The following SDK1 variants were observed in gnomAD, a reference collection of about 807,000 sequenced individuals.
SDK1 encodes the protein sidekick cell adhesion molecule 1.
Under a neutral mutation model 245.5 loss-of-function variants are expected in SDK1, and 157 were observed. The ratio of observed to expected loss-of-function variants is 0.64; its 90% CI spans 0.56 to 0.73. The LOEUF (loss-of-function observed/expected upper bound fraction) is 0.73. Ranked by LOEUF, SDK1 falls within the 30% of genes least tolerant of loss-of-function variation. The probability of loss-of-function intolerance (pLI) is 0.00; values close to 1 mark genes in which losing one functional copy is unlikely to be tolerated. For missense variants in SDK1, 3,583 were observed against 3,002.3 expected (o/e 1.19, Z -4.52); for synonymous variants, 1,647 against 1,278.5 (o/e 1.29, Z -6.15).
chr7:3,938,385 G>A (rs1562550782), intron 5 of SDK1, among the ~76,000 whole-genome samples: 3 of 152,016 alleles, frequency 2.0e-5, no homozygotes, highest in South Asian at 4.2e-4. Context: ...GCTCATGCCT[G>A]TAATCCCAGC....
intron 28 of SDK1, 89 bp from the exon 29 acceptor site, chr7:4,145,621 ACAGATGGCCTTC>A: frequency 9.9e-7 from 1 of 1,008,030 alleles, no homozygotes; most frequent in East Asian, 2.6e-5. Flanking sequence ...CGGGGAAGAG[ACAGATGGCCTTC>A]CAGGGGTCAG....
At chr7:3,718,461 G>A (rs1166021968) in intron 4 of SDK1, among the ~76,000 whole-genome samples, 1 of 151,666 alleles carries the variant, frequency 6.6e-6, no homozygotes, top group Non-Finnish European at 1.5e-5. Context: ...GGTTGAGGCT[G>A]CAGTGAGCCA....
chr7:3,504,575 G>C (rs1052510128), intron 1 of SDK1, among the ~76,000 whole-genome samples: 1 of 152,094 alleles, frequency 6.6e-6, no homozygotes, highest in Non-Finnish European at 1.5e-5. Context: ...GAATAGTCTT[G>C]TCAGCAAATT....
chr7:4,138,443 C>T (rs1050467258), intron 28 of SDK1, among the ~76,000 whole-genome samples: 1 of 152,054 alleles, frequency 6.6e-6, no homozygotes, highest in Non-Finnish European at 1.5e-5. Context: ...TACTCATATG[C>T]GTAGAAAAAT....
At chr7:3,840,123 A>C (rs1780120812) in intron 5 of SDK1, among the ~76,000 whole-genome samples, 1 of 152,214 alleles carries the variant, frequency 6.6e-6, no homozygotes, top group Non-Finnish European at 1.5e-5. Context: ...AACTTAAAAT[A>C]TGTGAGAGGG....
rs754379660 is a variant in SDK1 at position 3,971,429 on chromosome 7, G to C, written c.1715-37G>C. On this transcript the variant is annotated intron_variant, in intron 11 of 44. Coordinates refer to ENST00000404826, the MANE Select transcript of SDK1 (RefSeq NM_152744.4). The stretch of plus-strand genomic sequence containing the variant: ...CCTGAGGGCAGAAACTGTCAAACTT[G>C]TCATTTCGTCTGACTCGTGACTTGT... 8 of 1,456,632 alleles carry C rather than the reference G, an allele frequency of 5.5e-6. No homozygotes were observed. In the African/African-American group the frequency reaches 6.9e-5, roughly 13 times the overall value. 90.2% of individuals were successfully genotyped at this position (1,456,632 alleles called of 1,614,324 possible).
intron 17 of SDK1, among the ~76,000 whole-genome samples, chr7:4,034,278 G>A (rs1248128722): frequency 3.3e-5 from 5 of 152,190 alleles, no homozygotes; most frequent in African/African-American, 4.8e-5. Context: ...TGCAGCATAC[G>A]ATCAAAATTG....
chr7:3,396,204 A>C (rs1431834540), intron 1 of SDK1, among the ~76,000 whole-genome samples: 1 of 151,864 alleles, frequency 6.6e-6, no homozygotes, highest in Non-Finnish European at 1.5e-5. Context: ...AATTTTAAAA[A>C]AATTTTTCTT....
intron 44 of SDK1, among the ~76,000 whole-genome samples, chr7:4,261,929 C>T (rs1038562665): frequency 1.3e-5 from 2 of 150,340 alleles, no homozygotes; most frequent in Non-Finnish European, 2.9e-5. Context: ...TGCTTCCATG[C>T]ATCGGGAGGA....
intron 1 of SDK1, among the ~76,000 whole-genome samples, chr7:3,482,953 C>G (rs757963493): frequency 1.3e-5 from 2 of 151,434 alleles, no homozygotes; most frequent in East Asian, 1.9e-4. Flanking sequence ...ATGATGATTT[C>G]AAGTCTTTTT....
At chr7:3,515,168 T>A (rs960983153) in intron 1 of SDK1, among the ~76,000 whole-genome samples, 3 of 152,142 alleles carry the variant, frequency 2.0e-5, no homozygotes, top group African/African-American at 4.8e-5. Flanking sequence ...TTCTGCTGTT[T>A]TGAGCAACCT....
chr7:3,772,142 C>T (rs1458127443), intron 4 of SDK1, among the ~76,000 whole-genome samples: 4 of 152,234 alleles, frequency 2.6e-5, no homozygotes, highest in African/African-American at 7.2e-5. Flanking sequence ...CGTCATGTTG[C>T]TATTCTTTTT....
intron 1 of SDK1, among the ~76,000 whole-genome samples, chr7:3,441,041 A>G (rs931402528): frequency 2.6e-5 from 4 of 152,204 alleles, no homozygotes; most frequent in African/African-American, 9.6e-5. Flanking sequence ...CACAATGCAT[A>G]CGTCTTTCAC....
chr7:3,790,294 G>T (rs1165002239), intron 4 of SDK1, among the ~76,000 whole-genome samples: 1 of 152,132 alleles, frequency 6.6e-6, no homozygotes, highest in East Asian at 1.9e-4. Context: ...ATTATACTAG[G>T]TATTTCAACA....
intron 1 of SDK1, among the ~76,000 whole-genome samples, chr7:3,589,910 C>T (rs1283581239): frequency 6.6e-6 from 1 of 152,152 alleles, no homozygotes; most frequent in Non-Finnish European, 1.5e-5. Flanking sequence ...TAAGCAATAA[C>T]AGATGGAATA....
chr7:3,834,638 G>T (rs1374480378), intron 5 of SDK1, among the ~76,000 whole-genome samples: 1 of 152,136 alleles, frequency 6.6e-6, no homozygotes, highest in Non-Finnish European at 1.5e-5. Context: ...ATAAATATCA[G>T]TGCCCCCCAG....
intron 36 of SDK1, among the ~76,000 whole-genome samples, chr7:4,206,503 C>T (rs932732139): frequency 3.3e-5 from 5 of 152,228 alleles, no homozygotes; most frequent in Admixed American, 2.6e-4. Flanking sequence ...TGTGAGGTCC[C>T]TGGGAACCCT....
chr7:3,787,646 T>C (rs1476183217), intron 4 of SDK1, among the ~76,000 whole-genome samples: 6 of 152,226 alleles, frequency 3.9e-5, no homozygotes, highest in Non-Finnish European at 5.9e-5. Context: ...TTTTGTTTTT[T>C]TCAGCTGGCC....
intron 19 of SDK1, among the ~76,000 whole-genome samples, chr7:4,062,761 T>G (rs754548313): frequency 6.6e-6 from 1 of 152,148 alleles, no homozygotes; most frequent in East Asian, 1.9e-4. Flanking sequence ...TACACCATGC[T>G]CATGTGAGAT....
Sources: gnomAD v4.1 joint callset for allele counts (sites outside exome capture counted in the v4.1 genomes callset) on GRCh38, gnomAD v4.1.1 for gene constraint, MANE v1.5 for transcripts, NCBI Gene and HGNC (gene_info 2026-07-23, HGNC 2026-07-21) for gene names.